Variants in MYO1B observed in about 807,000 individuals in gnomAD.
The protein encoded by MYO1B is myosin IB.
In MYO1B, 72 loss-of-function variants were observed where a neutral mutation model predicts 159.7. The ratio of observed to expected loss-of-function variants is 0.45; its 90% CI spans 0.37 to 0.55. The LOEUF (loss-of-function observed/expected upper bound fraction) is 0.55, where lower values mean the gene tolerates loss of function less well. Ranked by LOEUF, MYO1B falls within the 20% of genes least tolerant of loss-of-function variation. The pLI is 0.00. For missense variants in MYO1B, 1,062 were observed against 1,364.8 expected (o/e 0.78, Z 3.50); for synonymous variants, 468 against 473.8 (o/e 0.99, Z 0.16).
intron 3 of MYO1B, among the ~76,000 whole-genome samples, chr2:191,315,248 G>C (rs1690276780): frequency 6.6e-6 from 1 of 151,980 alleles, no homozygotes; most frequent in South Asian, 2.1e-4. Context: ...AGCTCTTCTT[G>C]TGTGCATATA....
chr2:191,369,752 A>G, intron 12 of MYO1B, 124 bp downstream of exon 12: 1 of 741,112 alleles, frequency 1.3e-6, no homozygotes, highest in South Asian at 1.9e-5. Flanking sequence ...TTATTCCTTA[A>G]AAAGAGTGTA....
chr2:191,421,312 C>T (rs994193961), intron 30 of MYO1B, among the ~76,000 whole-genome samples: 2 of 151,408 alleles, frequency 1.3e-5, no homozygotes, highest in African/African-American at 2.4e-5. Context: ...TCAGGTGATC[C>T]GACCACCTCA....
chr2:191,363,838 G>A lies in MYO1B; in HGVS notation c.876G>A (p.Val292=). Residue 292 remains valine (V), a synonymous_variant, in exon 10 of 31, where the codon GTG becomes GTA. Transcript: ENST00000392318. ...TTGAGTTCAAGCCCGAATCTCGAGTGAATGGTCTAGATGAAAGCAAAATCA... is the reference window on the plus strand; with the variant it reads ...TTGAGTTCAAGCCCGAATCTCGAGTAAATGGTCTAGATGAAAGCAAAATCA... The part of the protein sequence containing the change: ...GNIEFKPESR[V]NGLDESKIKD... The A allele has an allele frequency of 6.2e-7, 1 of 1,613,934 alleles. No homozygotes were observed. Among genetic ancestry groups the A allele is most frequent in the Non-Finnish European group, 8.5e-7 (1 of 1,179,948 alleles).
intron 7 of MYO1B, among the ~76,000 whole-genome samples, chr2:191,356,191 G>A (rs139066983): frequency 0.011 from 1,710 of 152,244 alleles, 15 homozygotes; most frequent in Non-Finnish European, 0.018. Flanking sequence ...AGGTGAAATA[G>A]AAGACTTCCT....
Position 191,416,223 on chromosome 2 carries a change from A to G in MYO1B, c.3268A>G (p.Asn1090Asp). 3 of 1,614,052 alleles carry G rather than the reference A, an allele frequency of 1.9e-6. No homozygotes were observed. The highest frequency in any genetic ancestry group is 2.5e-6 in the Non-Finnish European group (3 of 1,179,930). ...TTLSQTKQKL[N>D]IEISDEFLVQ... is the part of the protein sequence containing the mutation. ...TCTCAGCCAAACCAAACAGAAGCTC[A>G]ATATTGAGATTTCCGATGAGTACGT... The change falls in exon 30 of 31, where the codon AAT becomes GAT. Residue 1090 changes from asparagine to aspartate, a missense_variant. Transcript: ENST00000392318.
chr2:191,397,130 T>TTC (rs1696146358), intron 21 of MYO1B, among the ~76,000 whole-genome samples: 2 of 107,724 alleles, frequency 1.9e-5, no homozygotes, highest in African/African-American at 6.7e-5. Context: ...GATGATTTCT[T>TTC]TTTTTTTTTT....
chr2:191,330,920 C>A (rs1160374925), intron 4 of MYO1B, among the ~76,000 whole-genome samples: 1 of 152,094 alleles, frequency 6.6e-6, no homozygotes, highest in Non-Finnish European at 1.5e-5. Flanking sequence ...TTTTGAGTTC[C>A]CATTGATCAA....
chr2:191,387,715 C>A, intron 17 of MYO1B: 2 of 473,166 alleles, frequency 4.2e-6, no homozygotes, highest in South Asian at 3.2e-5. Context: ...GGGTTTTCAA[C>A]TTTCTGTATG....
At chr2:191,365,715 G>A (rs543052679) in intron 11 of MYO1B, among the ~76,000 whole-genome samples, 1 of 152,334 alleles carries the variant, frequency 6.6e-6, no homozygotes, top group East Asian at 1.9e-4. Flanking sequence ...ATTTAGATGT[G>A]TGAAGTATGG....
chr2:191,348,573 G>T (rs940194440), intron 6 of MYO1B, among the ~76,000 whole-genome samples: 1 of 145,458 alleles, frequency 6.9e-6, no homozygotes, highest in Admixed American at 7.0e-5. Flanking sequence ...GAGTGGCCTG[G>T]GCCACATGAC....
chr2:191,354,256 AAATAATAATAATAATAATAATAAT>A (rs71030337), intron 7 of MYO1B, among the ~76,000 whole-genome samples: 1 of 143,860 alleles, frequency 7.0e-6, no homozygotes, highest in African/African-American at 2.6e-5. Context: ...ACTCCGTCTT[AAATAATAATAATAATAATAATAAT>A]AATAATAATA....
chr2:191,297,368 T>C (rs1221942239), intron 3 of MYO1B, among the ~76,000 whole-genome samples: 2 of 152,226 alleles, frequency 1.3e-5, no homozygotes, highest in African/African-American at 2.4e-5. Flanking sequence ...ACATCTTTTA[T>C]GCAATAAACT....
At chr2:191,398,438 C>T (rs1415351720) in intron 21 of MYO1B, among the ~76,000 whole-genome samples, 2 of 146,552 alleles carry the variant, frequency 1.4e-5, no homozygotes, top group Admixed American at 6.7e-5. Context: ...CCCCCACCTC[C>T]CTCCCGGACG....
intron 2 of MYO1B, among the ~76,000 whole-genome samples, chr2:191,279,312 C>G (rs10497713): frequency 2.0e-5 from 3 of 151,788 alleles, no homozygotes; most frequent in Non-Finnish European, 1.5e-5. Context: ...TAAAGTAATG[C>G]GTATAGTATG....
chr2:191,291,393 A>G (rs1688676452), intron 2 of MYO1B, among the ~76,000 whole-genome samples: 1 of 152,188 alleles, frequency 6.6e-6, no homozygotes, highest in Non-Finnish European at 1.5e-5. Flanking sequence ...TAACCTTGCT[A>G]TCTGTATGTG....
chr2:191,364,361 C>T (rs1693862128), intron 11 of MYO1B, 85 bp downstream of exon 11: 3 of 1,078,014 alleles, frequency 2.8e-6, no homozygotes, highest in East Asian at 2.4e-5. Flanking sequence ...TTTTAGTTTA[C>T]AGGCTGTTAC....
intron 2 of MYO1B, among the ~76,000 whole-genome samples, chr2:191,293,026 G>A (rs1688774214): frequency 6.6e-6 from 1 of 152,174 alleles, no homozygotes; most frequent in Admixed American, 6.5e-5. Context: ...TGTAGGTCAG[G>A]ATACCTTAGC....
At chr2:191,392,057 A>C (rs1200590309) in intron 18 of MYO1B, 51 bp from the exon 19 acceptor site, 8 of 1,404,002 alleles carry the variant, frequency 5.7e-6, no homozygotes, top group South Asian at 1.3e-5. Context: ...TAGAAGATAA[A>C]ACTATTTTTG....
intron 13 of MYO1B, chr2:191,381,024 AG>A (rs1695009114): frequency 3.6e-6 from 1 of 274,304 alleles, no homozygotes; most frequent in South Asian, 4.4e-5. Context: ...AGTCAGAGTG[AG>A]GGATCTGTCC....
Sources: allele counts gnomAD v4.1 joint callset (sites outside exome capture counted in the v4.1 genomes callset), GRCh38; gene constraint gnomAD v4.1.1; transcripts MANE v1.5; gene names NCBI Gene and HGNC (gene_info 2026-07-23, HGNC 2026-07-21).